The following LAMA5 variants were observed in gnomAD, a reference collection of about 807,000 sequenced individuals.
LAMA5 encodes laminin subunit alpha 5.
A neutral mutation model predicts 433.4 loss-of-function variants in LAMA5; 260 were observed. The observed-to-expected ratio is 0.60, with a 90% CI of 0.54 to 0.66. LAMA5 has a LOEUF of 0.66. Ranked by LOEUF, LAMA5 falls within the 30% of genes least tolerant of loss-of-function variation. The pLI is 0.00. For synonymous variants in LAMA5, 2,620 were observed against 2,226.6 expected, an observed-to-expected ratio of 1.18 and a Z score of -4.97; for missense variants, 5,378 against 5,258.5, an observed-to-expected ratio of 1.02 and a Z score of -0.70.
chr20:62,324,370 G>C lies in LAMA5; in HGVS notation c.5643+71C>G, dbSNP rs1476125474. The C allele has an allele frequency of 1.7e-5, 25 of 1,437,714 alleles. No homozygotes were observed. In the African/African-American group the frequency reaches 2.4e-4, roughly 14 times the overall value. The allele number at this position is 1,437,714 out of a possible 1,614,324, so 89.1% of individuals were successfully genotyped here. On this transcript the variant is annotated intron_variant, in intron 42 of 79. Coordinates refer to ENST00000252999, the MANE Select transcript of LAMA5 (RefSeq NM_005560.6). This position sits in a 1 kb window ranked among gnomAD's most constrained non-coding sequence, Gnocchi z 4.4. ...CAGTTGACCTGGAAGTGCAGCCCCT[G>C]GTCTTCCCTGGCACACTTGACTGTG... is the stretch of plus-strand genomic sequence containing the variant.
At chr20:62,350,514 G>A (rs982084939) in intron 6 of LAMA5, among the ~76,000 whole-genome samples, 41 of 152,238 alleles carry the variant, frequency 2.7e-4, no homozygotes, top group Admixed American at 7.2e-4. Flanking sequence ...AGCTCCACCC[G>A]CCTCCCCACC....
chr20:62,310,918 G>C lies in LAMA5; in HGVS notation c.10265C>G (p.Pro3422Arg). ...GGCCCTCACCTTGTGCCAGCGGCCA[G>C]GCCGGGAGCGCTGGCGGCTCTGGGC... ...LRAQSRQRSR[P>R]GRWHKVSVRW... Residue 3422 changes from proline to arginine, a missense_variant, in exon 74 of 80, where the codon CCT becomes CGT. By Grantham distance (103) the Pro-to-Arg change is moderately radical. Transcript: ENST00000252999. 2 of 1,610,746 alleles carry C rather than the reference G, an allele frequency of 1.2e-6. No homozygotes were observed. Among genetic ancestry groups the C allele is most frequent in the Non-Finnish European group, 1.7e-6 (2 of 1,179,474 alleles).
rs1440284028 is a variant in LAMA5 at position 62,328,450 on chromosome 20, G to A, written c.4448-5C>T. On this transcript the variant is annotated splice_polypyrimidine_tract_variant and splice_region_variant and intron_variant, in intron 34 of 79. Transcript: ENST00000252999. ...GGCGGGCACCGCAGTCACAGGCTGT[G>A]GGGCGGGTACAGGGTTTACTGACCC... 2.7e-6 allele frequency: 4 copies of A among 1,487,976 alleles called. No homozygotes were observed. The highest frequency in any genetic ancestry group is 1.4e-5 in the African/African-American group (1 of 72,308). The allele number at this position is 1,487,976 out of a possible 1,614,324, so 92.2% of individuals were successfully genotyped here.
chr20:62,361,400 C>G (rs902127462), intron 2 of LAMA5, among the ~76,000 whole-genome samples: 2 of 152,222 alleles, frequency 1.3e-5, no homozygotes, highest in Non-Finnish European at 2.9e-5. Flanking sequence ...GAGCCCTCCC[C>G]TCACTGCCTG....
At position 62,338,063 on chromosome 20, in the gene LAMA5, T is replaced by C; in HGVS notation, c.1844A>G (p.His615Arg). 2 of 1,606,156 alleles carry C rather than the reference T, an allele frequency of 1.2e-6. No homozygotes were observed. The highest frequency in any genetic ancestry group is 1.7e-6 in the Non-Finnish European group (2 of 1,175,890). The change falls in exon 14 of 80, where the codon CAT (histidine) becomes CGT (arginine). Residue 615 changes from histidine to arginine, a missense_variant. By Grantham distance (29) the His-to-Arg change is conservative. Coordinates refer to ENST00000252999, the MANE Select transcript of LAMA5 (RefSeq NM_005560.6). ...GTAGCCAGGGCGGCACCGGTCACAA[T>C]GAGGTCCAGCAAACTCAGGCTGGCA... ...CLCQPEFAGP[H>R]CDRCRPGYHG...
rs1204960637 is a variant in LAMA5 at position 62,313,356 on chromosome 20, C to T, written c.8763G>A (p.Leu2921=). 6 of 1,577,562 alleles carry T rather than the reference C, an allele frequency of 3.8e-6. No individual in the cohort carries two copies. In the Admixed American group the frequency reaches 7.3e-5, roughly 19 times the overall value. The change falls in exon 64 of 80, where the codon CTG becomes CTA. Residue 2921 remains leucine, a synonymous_variant. Transcript: ENST00000252999. ...CACAAGGCCTGTCCACAGCCGTGTC[C>T]AGCTGGAAGGTCCTCTCGAAGTTGT... ...SLYNFERTFQ[L]DTAVDRPCAR...
In LAMA5 at chr20:62,367,159, C is replaced by G; in HGVS notation, c.87G>C (p.Leu29=). 1 of 1,242,168 alleles carries G rather than the reference C, an allele frequency of 8.1e-7. No individual in the cohort carries two copies. Among genetic ancestry groups the G allele is most frequent in the Non-Finnish European group, 1.0e-6 (1 of 997,412 alleles). The allele number at this position is 1,242,168 out of a possible 1,614,324, so 76.9% of individuals were successfully genotyped here. A position where few individuals can be genotyped will look rare whatever the true frequency, so the allele number is the denominator to read the frequency against. Residue 29 remains leucine (L), a synonymous_variant, in exon 1 of 80, where the codon CTG becomes CTC. Transcript: ENST00000252999. ...CCTCCCGCGCCCGCGCCGCGCCCAGCAGCGCCAGCCCGACCAGCAGCAGCG... is the reference window on the plus strand; with the variant it reads ...CCTCCCGCGCCCGCGCCGCGCCCAGGAGCGCCAGCCCGACCAGCAGCAGCG... ...PAPLLLVGLA[L]LGAARAREEA...
chr20:62,340,305 G>GTTTTTTTTTTTTTTTTTTTTT (rs34415039), intron 11 of LAMA5, among the ~76,000 whole-genome samples: 1 of 99,464 alleles, frequency 1.0e-5, no homozygotes, highest in Non-Finnish European at 1.8e-5. Context: ...AGCCTCCTTT[G>GTTTTTTTTTTTTTTTTTTTTT]TTTTTTTTTT....
intron 1 of LAMA5, among the ~76,000 whole-genome samples, chr20:62,366,269 C>T (rs1986715438): frequency 6.6e-6 from 1 of 152,196 alleles, no homozygotes; most frequent in Non-Finnish European, 1.5e-5. Flanking sequence ...CAACAGAACC[C>T]GCCTACAGGT....
intron 6 of LAMA5, among the ~76,000 whole-genome samples, chr20:62,348,963 G>A (rs776163624): frequency 1.5e-4 from 23 of 152,128 alleles, no homozygotes; most frequent in East Asian, 3.9e-4. Context: ...GGCCAAGGAT[G>A]GTCTTGAATT....
Position 62,327,235 on chromosome 20 carries a change from G to C in LAMA5, c.5110C>G (p.Arg1704Gly). ...CCCAGACCTGATGCCCTGCTTACCC[G>C]GTCCCCCAGGTAGGAGGGTGGGGCC... ...WQAPPSYLGD[R>G]VSSYGGTLRY... is the part of the protein sequence containing the mutation. The change falls in exon 38 of 80, where the codon CGG (arginine) becomes GGG (glycine). Residue 1704 changes from arginine (R) to glycine (G), a missense_variant and splice_region_variant. Transcript: ENST00000252999. 1 of 1,506,672 alleles carries C rather than the reference G, an allele frequency of 6.6e-7. No homozygotes were observed. The highest frequency in any genetic ancestry group is 8.8e-7 in the Non-Finnish European group (1 of 1,131,320). The allele number at this position is 1,506,672 out of a possible 1,614,324, so 93.3% of individuals were successfully genotyped here.
rs1979072251 is a variant in LAMA5, at chr20:62,325,241, A to G, written c.5529+75T>C. 5 of 959,752 alleles carry G rather than the reference A, an allele frequency of 5.2e-6. No homozygotes were observed. The South Asian group carries it at 8.7e-5, about 17-fold the overall frequency. 59.5% of individuals were successfully genotyped at this position (959,752 alleles called of 1,614,324 possible). Reference sequence around the variant, plus strand: ...AGGAAGTGGAGGCAGCAAGGAAGGGAACACAGGGAGGATGCTGGAGGGAAG... The same window carrying G: ...AGGAAGTGGAGGCAGCAAGGAAGGGGACACAGGGAGGATGCTGGAGGGAAG... On this transcript the variant is annotated intron_variant, in intron 41 of 79. Coordinates refer to ENST00000252999, the MANE Select transcript of LAMA5 (RefSeq NM_005560.6).
rs746766161 is a variant in LAMA5 at position 62,313,241 on chromosome 20, C to G, written c.8802G>C (p.Ser2934=). 6 of 1,449,862 alleles carry G rather than the reference C, an allele frequency of 4.1e-6. No individual in the cohort carries two copies. In the African/African-American group the frequency reaches 9.2e-5, roughly 22 times the overall value. 89.8% of individuals were successfully genotyped at this position (1,449,862 alleles called of 1,614,324 possible). A position where few individuals can be genotyped will look rare whatever the true frequency, so the allele number is the denominator to read the frequency against. The change falls in exon 65 of 80, where the codon TCG becomes TCC. Residue 2934 remains serine, a synonymous_variant. Coordinates refer to ENST00000252999, the MANE Select transcript of LAMA5 (RefSeq NM_005560.6). ...CGTCCGTGAGCCACGGGTCCCCGGT[C>G]GACTTGGAGCTGCAGGTCGGAGATT... The part of the protein sequence containing the change: ...AVDRPCARSK[S]TGDPWLTDGS...
At position 62,346,693 on chromosome 20, in the gene LAMA5, TAC is replaced by T. The variant is rs1568966150; in HGVS notation, c.1178_1179del (p.Cys393TyrfsTer13). 1 of 1,613,172 alleles carries T rather than the reference TAC, an allele frequency of 6.2e-7. No homozygotes were observed. ...CTAGCCCAGCCCACCTGGCAGTCGA[TAC>T]AGACACCCCCACCCTGATAGGTGCC... is the stretch of plus-strand genomic sequence containing the variant. ...LDGTYQGGGV[C>X]IDCQHHTTGV... On this transcript the variant is annotated frameshift_variant, in exon 8 of 80. Coordinates refer to ENST00000252999, the MANE Select transcript of LAMA5 (RefSeq NM_005560.6). LOFTEE classifies it high-confidence loss of function.
rs1473065386 is a variant in LAMA5, at chr20:62,312,970, A to G, written c.8996T>C (p.Val2999Ala). 1 of 1,582,238 alleles carries G rather than the reference A, an allele frequency of 6.3e-7. No individual in the cohort carries two copies. Among genetic ancestry groups the G allele is most frequent in the Non-Finnish European group, 8.6e-7 (1 of 1,162,066 alleles). Reference sequence around the variant, plus strand: ...GCCAGCCCCAAAGTCATACAACAGCACGAGGCTGCCTTCTTGCACGGCCAA... The same window carrying G: ...GCCAGCCCCAAAGTCATACAACAGCGCGAGGCTGCCTTCTTGCACGGCCAA... The part of the protein sequence containing the change: ...LCLAVQEGSL[V>A]LLYDFGAGLK... Residue 2999 changes from valine (V) to alanine (A), a missense_variant, in exon 66 of 80, where the codon GTG (valine) becomes GCG (alanine). Coordinates refer to ENST00000252999, the MANE Select transcript of LAMA5 (RefSeq NM_005560.6).
rs748254802 is a variant in LAMA5 at position 62,311,943 on chromosome 20, G to A, written c.9612C>T (p.Val3204=). ...ACCCCGTGGCATTGCTGTAGAAGGCGACGTAATGGGGGGCACCATCGGCGA... is the reference window on the plus strand; with the variant it reads ...ACCCCGTGGCATTGCTGTAGAAGGCAACGTAATGGGGGGCACCATCGGCGA... ...AGFADGAPHY[V]AFYSNATGVW... Residue 3204 remains valine, a synonymous_variant, in exon 70 of 80, where the codon GTC becomes GTT. Coordinates refer to ENST00000252999, the MANE Select transcript of LAMA5 (RefSeq NM_005560.6). 4 of 1,612,326 alleles carry A rather than the reference G, an allele frequency of 2.5e-6. No individual in the cohort carries two copies. The highest frequency in any genetic ancestry group is 3.4e-6 in the Non-Finnish European group (4 of 1,179,706).
In LAMA5 at chr20:62,322,385, T is replaced by G; in HGVS notation, c.6230A>C (p.Glu2077Ala). 6.3e-7 allele frequency: 1 copy of G among 1,591,598 alleles called. No homozygotes were observed. Among genetic ancestry groups the G allele is most frequent in the Non-Finnish European group, 8.5e-7 (1 of 1,170,650 alleles). The change falls in exon 47 of 80, where the codon GAG becomes GCG. Residue 2077 changes from glutamate to alanine, a missense_variant. Physicochemically the swap from Glu to Ala is moderately radical, Grantham distance 107 (BLOSUM62 -1). Coordinates refer to ENST00000252999, the MANE Select transcript of LAMA5 (RefSeq NM_005560.6). ...GCTCTGGGGGTGGCACTCGGAGCCC[T>G]CGGCGGCCGGTCCACAAGCACACGG... ...CRPCACGPAA[E>A]GSECHPQSGQ...
At position 62,358,334 on chromosome 20, in the gene LAMA5, C is replaced by G. The variant is rs544057508; in HGVS notation, c.450+4066G>C. On this transcript the variant is annotated intron_variant, in intron 2 of 79. Transcript: ENST00000252999. ...CCTCCCAGGACCCCCGCCGTACCCC[C>G]CAGGGAGCCCTGCTCAAGTGGCTGC... Among the ~76,000 whole-genome samples, 5 of 152,288 alleles carry G rather than the reference C, an allele frequency of 3.3e-5. No individual in the cohort carries two copies. In the South Asian group the frequency reaches 8.3e-4, roughly 25 times the overall value.
In LAMA5 at chr20:62,317,653, T is replaced by C. The variant is rs1987101836; in HGVS notation, c.7356+9A>G. Reference sequence around the variant, plus strand: ...TGGGGTGGCGACAGGGGCCAGGGGCTGCACTCACCTCCTTAGCCTGGTCCA... The same window carrying C: ...TGGGGTGGCGACAGGGGCCAGGGGCCGCACTCACCTCCTTAGCCTGGTCCA... On this transcript the variant is annotated intron_variant, in intron 54 of 79. Coordinates refer to ENST00000252999, the MANE Select transcript of LAMA5 (RefSeq NM_005560.6). The C allele has an allele frequency of 4.5e-6, 7 of 1,560,390 alleles. No homozygotes were observed. The highest frequency in any genetic ancestry group is 5.2e-6 in the Non-Finnish European group (6 of 1,151,688).
Sources: gnomAD v4.1 joint callset for allele counts (sites outside exome capture counted in the v4.1 genomes callset) on GRCh38, gnomAD v4.1.1 for gene constraint, Gnocchi (gnomAD v3.1) non-coding constraint, MANE v1.5 for transcripts, NCBI Gene and HGNC (gene_info 2026-07-23, HGNC 2026-07-21) for gene names.